Variants in PDCD10 observed in about 807,000 individuals in gnomAD.
PDCD10 encodes programmed cell death protein 10.
A neutral mutation model predicts 29.2 loss-of-function variants in PDCD10; 4 were observed. The ratio of observed to expected loss-of-function variants is 0.14; its 90% CI spans 0.07 to 0.31. The LOEUF (loss-of-function observed/expected upper bound fraction) is 0.31, where lower values mean the gene tolerates loss of function less well. Among genes scored for constraint, PDCD10 ranks in the 10% least tolerant of loss-of-function variants. The pLI, the probability that PDCD10 is intolerant of heterozygous loss-of-function variation, is 1.00. For missense variants in PDCD10, 183 were observed against 257.9 expected, an observed-to-expected ratio of 0.71 and a Z score of 1.99; for synonymous variants, 70 against 82.2, an observed-to-expected ratio of 0.85 and a Z score of 0.80.
At chr3:167,703,277 T>TA (rs370657600) in intron 4 of PDCD10, among the ~76,000 whole-genome samples, 44 of 149,794 alleles carry the variant, frequency 2.9e-4, no homozygotes, top group Admixed American at 8.0e-4. Context: ...AAAACAACAA[T>TA]AAAAAAAAAG....
At chr3:167,700,101 A>G (rs1276140494) in intron 4 of PDCD10, among the ~76,000 whole-genome samples, 1 of 152,224 alleles carries the variant, frequency 6.6e-6, no homozygotes, top group Non-Finnish European at 1.5e-5. Flanking sequence ...ATACAGATGC[A>G]ATATTAAATC....
At chr3:167,704,925 T>G in intron 3 of PDCD10, 30 bp from the exon 4 acceptor site, 1 of 1,443,494 alleles carries the variant, frequency 6.9e-7, no homozygotes, top group South Asian at 1.2e-5. Flanking sequence ...TTATTATGAA[T>G]ATCAACTTTC....
chr3:167,719,783 T>G (rs1276529596), intron 3 of PDCD10, among the ~76,000 whole-genome samples: 1 of 152,138 alleles, frequency 6.6e-6, no homozygotes, highest in East Asian at 1.9e-4. Flanking sequence ...CATACTCTGC[T>G]TTTACACTTC....
intron 3 of PDCD10, 89 bp from the exon 4 acceptor site, chr3:167,704,984 C>T (rs1308611433): frequency 5.2e-5 from 38 of 730,516 alleles, no homozygotes; most frequent in Non-Finnish European, 7.2e-5. Context: ...ATCACATGAA[C>T]ACATTAAACA....
At chr3:167,693,054 T>C (rs529324193) in intron 6 of PDCD10, among the ~76,000 whole-genome samples, 1 of 152,374 alleles carries the variant, frequency 6.6e-6, no homozygotes, top group East Asian at 1.9e-4. Flanking sequence ...GGGTCATTCC[T>C]TGATAGCTGG....
rs1721898579 is a variant in PDCD10, at chr3:167,705,641, CAAGAT to C, written c.97-751_97-747del. ...ACAAAGCAAAAGCAACAGAATCTGA[CAAGAT>C]AATTTATCTGCCAAAAAACAATGAA... On this transcript the variant is annotated intron_variant, in intron 3 of 8. Coordinates refer to ENST00000392750, the MANE Select transcript of PDCD10 (RefSeq NM_007217.4). Among the ~76,000 whole-genome samples the C allele has an allele frequency of 2.6e-5, 4 of 152,014 alleles. No homozygotes were observed. In the South Asian group the frequency reaches 8.3e-4, roughly 31 times the overall value.
At chr3:167,711,602 T>C (rs1722525322) in intron 3 of PDCD10, among the ~76,000 whole-genome samples, 1 of 152,106 alleles carries the variant, frequency 6.6e-6, no homozygotes, top group African/African-American at 2.4e-5. Flanking sequence ...GAAAGTGTAT[T>C]CAAAGTGATA....
intron 4 of PDCD10, chr3:167,704,533 A>C (rs1039923481): frequency 8.2e-6 from 2 of 243,036 alleles, no homozygotes; most frequent in Non-Finnish European, 1.6e-5. Context: ...CAGCCATATA[A>C]GTTTTCAAAA....
chr3:167,691,601 G>A (rs955466151), intron 6 of PDCD10, among the ~76,000 whole-genome samples: 2 of 152,166 alleles, frequency 1.3e-5, no homozygotes, highest in African/African-American at 2.4e-5. Context: ...GGGGAAAGAG[G>A]ATGTCAAAGT....
intron 5 of PDCD10, among the ~76,000 whole-genome samples, 164 bp downstream of exon 5, chr3:167,696,845 T>C (rs1720860723): frequency 6.6e-6 from 1 of 152,126 alleles, no homozygotes; most frequent in Admixed American, 6.6e-5. Context: ...TTTATCTACA[T>C]TAGCTTCCAC....
At chr3:167,723,430 T>C (rs1723783896) in intron 2 of PDCD10, among the ~76,000 whole-genome samples, 1 of 152,138 alleles carries the variant, frequency 6.6e-6, no homozygotes, top group African/African-American at 2.4e-5. Flanking sequence ...TACACTATTT[T>C]CTGGAGTAGG....
chr3:167,708,193 T>C (rs1056061528), intron 3 of PDCD10, among the ~76,000 whole-genome samples: 6 of 152,110 alleles, frequency 3.9e-5, no homozygotes, highest in African/African-American at 1.4e-4. Flanking sequence ...GGAGAGGACA[T>C]TTGTTGTTTT....
chr3:167,683,748 T>C lies in PDCD10; in HGVS notation c.*560A>G, dbSNP rs982491148. The C allele has an allele frequency of 6.6e-6, 1 of 151,192 alleles. No homozygotes were observed. The highest frequency in any genetic ancestry group is 1.5e-5 in the Non-Finnish European group (1 of 67,720). The allele number at this position is 151,192 out of a possible 1,614,324, so 9.4% of individuals were successfully genotyped here. A position where few individuals can be genotyped will look rare whatever the true frequency, so the allele number is the denominator to read the frequency against. ...TGTCCAAAGTGATTAAGGACAAAAA[T>C]AGAAATTCTTGCTTTATTATTTGAT... On this transcript the variant is annotated 3_prime_UTR_variant, in exon 9 of 9. Coordinates refer to ENST00000392750, the MANE Select transcript of PDCD10 (RefSeq NM_007217.4).
chr3:167,717,807 T>C (rs1174908374), intron 3 of PDCD10, among the ~76,000 whole-genome samples: 2 of 152,086 alleles, frequency 1.3e-5, no homozygotes, highest in Non-Finnish European at 2.9e-5. Flanking sequence ...GAAATAATTT[T>C]TTTAAACGCT....
chr3:167,719,029 G>A (rs1027312889), intron 3 of PDCD10, among the ~76,000 whole-genome samples: 1 of 152,040 alleles, frequency 6.6e-6, no homozygotes, highest in Admixed American at 6.6e-5. Context: ...TCATGGCAAC[G>A]AGTGTAAATG....
At chr3:167,704,592 C>A in intron 4 of PDCD10, 1 of 368,588 alleles carries the variant, frequency 2.7e-6, no homozygotes, top group Non-Finnish European at 4.9e-6. Context: ...TAATCTACAG[C>A]TAAGGAGAGA....
Position 167,685,646 on chromosome 3 carries a change from AT to A in PDCD10, c.558-1258del, listed in dbSNP as rs573895310. 4.6e-5 allele frequency among the ~76,000 whole-genome samples: 7 copies of A among 152,198 alleles called. No individual in the cohort carries two copies. In the South Asian group the frequency reaches 1.5e-3, roughly 32 times the overall value. On this transcript the variant is annotated intron_variant, in intron 8 of 8. Transcript: ENST00000392750. ...TATGCAGAGTAAATAATTTCAATTA[AT>A]TAATGAAAATTAGTCTCTAAATTAA...
rs541868223 is a variant in PDCD10, at chr3:167,685,302, C to A, written c.558-913G>T. On this transcript the variant is annotated intron_variant, in intron 8 of 8. Transcript: ENST00000392750. The stretch of plus-strand genomic sequence containing the variant: ...GTGGCATGTGTCTATAATCCCAGCT[C>A]GGGAGGCTGAGGCAGGAGAATTGCT... Among the ~76,000 whole-genome samples, 5 of 145,916 alleles carry A rather than the reference C, an allele frequency of 3.4e-5. No individual in the cohort carries two copies. The South Asian group carries it at 1.1e-3, about 32-fold the overall frequency.
At chr3:167,700,785 C>T (rs757777588) in intron 4 of PDCD10, among the ~76,000 whole-genome samples, 1 of 152,146 alleles carries the variant, frequency 6.6e-6, no homozygotes, top group Non-Finnish European at 1.5e-5. Flanking sequence ...GTCAAGATAA[C>T]AGGAGACCCA....
Sources: allele counts gnomAD v4.1 joint callset (sites outside exome capture counted in the v4.1 genomes callset), GRCh38; gene constraint gnomAD v4.1.1; transcripts MANE v1.5; gene names NCBI Gene and HGNC (gene_info 2026-07-23, HGNC 2026-07-21).